Variants in ERBB4 observed in about 807,000 individuals in gnomAD.
The protein encoded by ERBB4 is erb-b2 receptor tyrosine kinase 4, also known as receptor tyrosine-protein kinase erbB-4.
Under a neutral mutation model 158.0 loss-of-function variants are expected in ERBB4, and 42 were observed. The ratio of observed to expected loss-of-function variants is 0.27; its 90% CI spans 0.21 to 0.34. The LOEUF is 0.34. Ranked by LOEUF, ERBB4 falls within the 10% of genes least tolerant of loss-of-function variation. The pLI is 1.00. For synonymous variants in ERBB4, 583 were observed against 558.7 expected (o/e 1.04, Z -0.61); for missense variants, 1,333 against 1,624.1 (o/e 0.82, Z 3.08).
intron 15 of ERBB4, among the ~76,000 whole-genome samples, chr2:211,661,880 A>AC (rs2071433658): frequency 1.3e-5 from 2 of 149,824 alleles, no homozygotes; most frequent in Non-Finnish European, 3.0e-5. Context: ...TCTACTAAAA[A>AC]TACAAAAAAT....
chr2:212,274,043 T>C (rs1475064351), intron 1 of ERBB4, among the ~76,000 whole-genome samples: 2 of 151,828 alleles, frequency 1.3e-5, no homozygotes, highest in Non-Finnish European at 2.9e-5. Context: ...GCATGTTACA[T>C]GTGTTACATA....
chr2:211,423,975 T>C (rs2063566720), intron 23 of ERBB4, among the ~76,000 whole-genome samples, 180 bp downstream of exon 23: 1 of 151,992 alleles, frequency 6.6e-6, no homozygotes, highest in Non-Finnish European at 1.5e-5. Flanking sequence ...CTTCATAGCA[T>C]GGAAGAGTAT....
chr2:211,453,975 T>C (rs1213635257), intron 20 of ERBB4, among the ~76,000 whole-genome samples: 1 of 152,198 alleles, frequency 6.6e-6, no homozygotes, highest in Non-Finnish European at 1.5e-5. Context: ...GAAAGTCCAA[T>C]GTTCAATCAA....
intron 20 of ERBB4, among the ~76,000 whole-genome samples, chr2:211,526,954 T>C (rs114050160): frequency 0.12 from 18,590 of 151,766 alleles, 1,964 homozygotes; most frequent in African/African-American, 0.29. Flanking sequence ...ATCTAGAAAA[T>C]AGCCTCAGAA....
chr2:212,178,004 G>A (rs1427366052), intron 1 of ERBB4, among the ~76,000 whole-genome samples: 2 of 151,260 alleles, frequency 1.3e-5, no homozygotes, highest in Non-Finnish European at 3.0e-5. Flanking sequence ...TGTTCATGGA[G>A]GAATGTTTCA....
chr2:212,028,299 T>C (rs1466046668), intron 2 of ERBB4, among the ~76,000 whole-genome samples: 2 of 152,110 alleles, frequency 1.3e-5, no homozygotes, highest in Non-Finnish European at 1.5e-5. Context: ...TTCAAAAATA[T>C]GTCTACGACC....
At chr2:212,224,037 A>C (rs945277837) in intron 1 of ERBB4, among the ~76,000 whole-genome samples, 1 of 151,960 alleles carries the variant, frequency 6.6e-6, no homozygotes, top group African/African-American at 2.4e-5. Context: ...TTTTTATTTT[A>C]TGCATATAAG....
intron 1 of ERBB4, among the ~76,000 whole-genome samples, chr2:212,350,737 T>C (rs1274371595): frequency 1.3e-5 from 2 of 152,012 alleles, no homozygotes; most frequent in Non-Finnish European, 2.9e-5. Flanking sequence ...TTTCAAGAAA[T>C]ACACATCATA....
At position 211,522,413 on chromosome 2, in the gene ERBB4, GGAT is replaced by G. The variant is rs369026784; in HGVS notation, c.2487+39487_2487+39489del. ...TGCAATCTCATGTTAAAACTTCAAT[GGAT>G]GAGTAGTTGTTTCTTATGGATGAGC... On this transcript the variant is annotated intron_variant, in intron 20 of 27. Coordinates refer to ENST00000342788, the MANE Select transcript of ERBB4 (RefSeq NM_005235.3). Among the ~76,000 whole-genome samples the G allele has an allele frequency of 2.3e-3, 348 of 152,272 alleles. 3 individuals are homozygous for G. The highest frequency in any genetic ancestry group is 7.8e-3 in the African/African-American group (323 of 41,568).
chr2:212,064,640 C>CA (rs2077883482), intron 2 of ERBB4, among the ~76,000 whole-genome samples: 1 of 151,950 alleles, frequency 6.6e-6, no homozygotes, highest in Non-Finnish European at 1.5e-5. Context: ...AAAAGAGGTA[C>CA]AGTCAAATAA....
intron 1 of ERBB4, among the ~76,000 whole-genome samples, chr2:212,378,686 T>C (rs971127667): frequency 2.0e-5 from 3 of 151,892 alleles, no homozygotes; most frequent in Admixed American, 1.3e-4. Flanking sequence ...GGCTACATGA[T>C]TAATATTTCT....
intron 1 of ERBB4, among the ~76,000 whole-genome samples, chr2:212,381,854 A>G (rs1191666141): frequency 2.0e-5 from 3 of 151,374 alleles, no homozygotes; most frequent in African/African-American, 7.3e-5. Context: ...GAACTAACCT[A>G]CATTAAATCT....
intron 19 of ERBB4, among the ~76,000 whole-genome samples, chr2:211,591,159 G>A (rs2068449400): frequency 6.6e-6 from 1 of 152,188 alleles, no homozygotes; most frequent in Non-Finnish European, 1.5e-5. Flanking sequence ...AACCCTGGGA[G>A]CTAATTGGAG....
intron 1 of ERBB4, among the ~76,000 whole-genome samples, chr2:212,425,812 T>C (rs2105921458): frequency 6.6e-6 from 1 of 152,092 alleles, no homozygotes; most frequent in South Asian, 2.1e-4. Flanking sequence ...TGCTAGTTGG[T>C]ATCCATCATT....
intron 17 of ERBB4, among the ~76,000 whole-genome samples, chr2:211,627,255 G>A (rs975852393): frequency 6.6e-6 from 1 of 152,204 alleles, no homozygotes; most frequent in Non-Finnish European, 1.5e-5. Context: ...CAGCATCCTA[G>A]CTAAACTGCA....
chr2:212,012,516 A>G lies in ERBB4; in HGVS notation c.235-64900T>C, dbSNP rs567283307. On this transcript the variant is annotated intron_variant, in intron 2 of 27. Transcript: ENST00000342788. ...ACCGCAAACTCCACCTCCAAGCTCA[A>G]GCAATTCTCCGCCTCAGCCACCTGA... 3.3e-5 allele frequency among the ~76,000 whole-genome samples: 5 copies of G among 151,656 alleles called. No individual in the cohort carries two copies. The South Asian group carries it at 1.0e-3, about 32-fold the overall frequency.
intron 20 of ERBB4, among the ~76,000 whole-genome samples, chr2:211,498,392 C>T (rs1269603262): frequency 1.3e-5 from 2 of 151,982 alleles, no homozygotes; most frequent in Non-Finnish European, 2.9e-5. Flanking sequence ...GACTTTGGTA[C>T]ATTAAAGTTT....
chr2:211,804,515 A>G (rs1204371333), intron 3 of ERBB4, among the ~76,000 whole-genome samples: 1 of 152,232 alleles, frequency 6.6e-6, no homozygotes, highest in Non-Finnish European at 1.5e-5. Context: ...ATTCCAAAAA[A>G]GTCTTTCCAA....
intron 1 of ERBB4, among the ~76,000 whole-genome samples, chr2:212,291,850 T>C (rs1185771027): frequency 1.3e-5 from 2 of 152,040 alleles, no homozygotes; most frequent in Non-Finnish European, 2.9e-5. Flanking sequence ...TGTATAACTC[T>C]ATTTTTCAAA....
Sources: gnomAD v4.1 joint callset for allele counts (sites outside exome capture counted in the v4.1 genomes callset) on GRCh38, gnomAD v4.1.1 for gene constraint, MANE v1.5 for transcripts, NCBI Gene and HGNC (gene_info 2026-07-23, HGNC 2026-07-21) for gene names.